The following C14orf39 variants were observed in gnomAD, a reference collection of about 807,000 sequenced individuals.
C14orf39 encodes the protein chromosome 14 open reading frame 39, also known as protein SIX6OS1.
C14orf39 carries 66 observed loss-of-function variants against 85.6 expected under a neutral mutation model. The ratio of observed to expected loss-of-function variants is 0.77; its 90% confidence interval spans 0.63 to 0.95. The LOEUF (loss-of-function observed/expected upper bound fraction) is 0.95. Ranked by LOEUF, C14orf39 falls within the 40% of genes least tolerant of loss-of-function variation. The pLI is 0.00. For synonymous variants in C14orf39, 242 were observed against 214.0 expected, an observed-to-expected ratio of 1.13 and a Z score of -1.14; for missense variants, 735 against 663.9, an observed-to-expected ratio of 1.11 and a Z score of -1.18.
At chr14:60,452,486 C>T (rs1891082945) in intron 16 of C14orf39, among the ~76,000 whole-genome samples, 2 of 151,534 alleles carry the variant, frequency 1.3e-5, no homozygotes, top group African/African-American at 4.8e-5. Flanking sequence ...AAGATGATTA[C>T]CAGAGGCTGG....
intron 4 of C14orf39, among the ~76,000 whole-genome samples, chr14:60,479,165 T>G (rs970900779): frequency 6.6e-6 from 1 of 152,156 alleles, no homozygotes; most frequent in African/African-American, 2.4e-5. Context: ...TTTTAATAAA[T>G]TGTTTCCAGA....
intron 14 of C14orf39, among the ~76,000 whole-genome samples, 161 bp from the exon 15 acceptor site, chr14:60,457,256 C>T (rs946202609): frequency 2.0e-5 from 3 of 151,840 alleles, no homozygotes; most frequent in East Asian, 3.9e-4. Context: ...AATACTAAAA[C>T]ATATATCAAA....
intron 1 of C14orf39, among the ~76,000 whole-genome samples, chr14:60,503,227 A>G (rs1893167247): frequency 6.6e-6 from 1 of 152,170 alleles, no homozygotes; most frequent in Non-Finnish European, 1.5e-5. Context: ...CCCCCGCTCA[A>G]AAAACAACAA....
chr14:60,458,817 T>C, intron 13 of C14orf39, 78 bp from the exon 14 acceptor site: 1 of 1,219,102 alleles, frequency 8.2e-7, no homozygotes, highest in Non-Finnish European at 1.2e-6. Flanking sequence ...CCATTTGAAA[T>C]TGCTAATATT....
At chr14:60,445,386 T>A (rs951631658) in intron 16 of C14orf39, among the ~76,000 whole-genome samples, 3 of 151,594 alleles carry the variant, frequency 2.0e-5, no homozygotes, top group African/African-American at 7.3e-5. Flanking sequence ...CCAAGCAAAC[T>A]GAAAGGAAAA....
chr14:60,509,184 G>A (rs894201463), intron 1 of C14orf39: 53 of 586,068 alleles, frequency 9.0e-5, no homozygotes, highest in African/African-American at 5.3e-4. Context: ...TGCCTGAGCC[G>A]AGCCGAGCCC....
chr14:60,480,957 T>G (rs1026210623), intron 4 of C14orf39, among the ~76,000 whole-genome samples: 3 of 151,580 alleles, frequency 2.0e-5, no homozygotes, highest in Non-Finnish European at 4.4e-5. Context: ...GGGGTTGAGG[T>G]AAAGAAAAAA....
chr14:60,494,113 C>T (rs540727892), intron 2 of C14orf39: 43 of 318,026 alleles, frequency 1.4e-4, no homozygotes, highest in Middle Eastern at 5.7e-4. Flanking sequence ...TGGTTCCACA[C>T]GACAGGGTCC....
chr14:60,507,213 T>C (rs1893215262), intron 1 of C14orf39, among the ~76,000 whole-genome samples: 1 of 152,068 alleles, frequency 6.6e-6, no homozygotes, highest in Non-Finnish European at 1.5e-5. Context: ...CTCTGCAAAC[T>C]GGAGCAAGGG....
At chr14:60,477,773 A>G (rs2140143803) in intron 5 of C14orf39, among the ~76,000 whole-genome samples, 1 of 152,346 alleles carries the variant, frequency 6.6e-6, no homozygotes, top group East Asian at 1.9e-4. Context: ...ACTGAGAAAC[A>G]GTTTATATCT....
At chr14:60,466,841 T>G in intron 10 of C14orf39, 76 bp downstream of exon 10, 5 of 1,168,952 alleles carry the variant, frequency 4.3e-6, no homozygotes, top group Middle Eastern at 2.3e-4. Flanking sequence ...AAATGATAAA[T>G]AAAATTGCTT....
intron 16 of C14orf39, among the ~76,000 whole-genome samples, chr14:60,443,940 C>T (rs1256585506): frequency 6.6e-6 from 1 of 152,180 alleles, no homozygotes; most frequent in Non-Finnish European, 1.5e-5. Flanking sequence ...CTACAACAGA[C>T]CTGCAGCTGA....
chr14:60,509,921 T>C, intron 1 of C14orf39: 1 of 1,611,340 alleles, frequency 6.2e-7, no homozygotes, highest in Non-Finnish European at 8.5e-7. Flanking sequence ...GGTGGGCAAC[T>C]GGTTCAAAAA....
At chr14:60,441,192 A>C (rs1035748508) in intron 17 of C14orf39, among the ~76,000 whole-genome samples, 3 of 152,194 alleles carry the variant, frequency 2.0e-5, no homozygotes, top group African/African-American at 7.2e-5. Flanking sequence ...CCTGAATTAG[A>C]GGAGCTATGA....
At chr14:60,476,528 T>G (rs1455371945) in intron 5 of C14orf39, among the ~76,000 whole-genome samples, 1 of 152,192 alleles carries the variant, frequency 6.6e-6, no homozygotes, top group Admixed American at 6.5e-5. Flanking sequence ...AAGCATCAAT[T>G]CAATTAAGCT....
chr14:60,506,630 G>C (rs1190626651), intron 1 of C14orf39, among the ~76,000 whole-genome samples: 1 of 152,146 alleles, frequency 6.6e-6, no homozygotes, highest in Non-Finnish European at 1.5e-5. Context: ...ATTAAATCAA[G>C]TCCCTTGCGA....
chr14:60,455,426 GA>G (rs1891226623), intron 15 of C14orf39, among the ~76,000 whole-genome samples: 1 of 152,014 alleles, frequency 6.6e-6, no homozygotes, highest in African/African-American at 2.4e-5. Flanking sequence ...TTGAAGCATA[GA>G]AAGGTTAAAT....
intron 11 of C14orf39, among the ~76,000 whole-genome samples, chr14:60,464,202 T>C (rs982634519): frequency 3.3e-5 from 5 of 152,274 alleles, no homozygotes; most frequent in East Asian, 1.9e-4. Flanking sequence ...TGAAGTGACC[T>C]AGAGGTAAAA....
intron 8 of C14orf39, 58 bp from the exon 9 acceptor site, chr14:60,468,594 G>C: frequency 1.0e-6 from 1 of 965,220 alleles, no homozygotes; most frequent in Non-Finnish European, 1.5e-6. Flanking sequence ...AGTAAAAAAA[G>C]ATATGCTTTA....
Sources: gnomAD v4.1 joint callset for allele counts (sites outside exome capture counted in the v4.1 genomes callset) on GRCh38, gnomAD v4.1.1 for gene constraint, MANE v1.5 for transcripts, NCBI Gene and HGNC (gene_info 2026-07-23, HGNC 2026-07-21) for gene names.